COL21A1: variants seen among roughly 807,000 people sequenced by gnomAD.
COL21A1 encodes the protein collagen alpha-1(XXI) chain.
A neutral mutation model predicts 137.9 loss-of-function variants in COL21A1; 149 were observed. The observed-to-expected ratio is 1.08, with a 90% CI of 0.95 to 1.24. The LOEUF (loss-of-function observed/expected upper bound fraction) is 1.24, where lower values mean the gene tolerates loss of function less well. Ranked by LOEUF, COL21A1 falls within the 50% of genes most tolerant of loss-of-function variation. COL21A1 has a pLI of 0.00. For synonymous variants in COL21A1, 456 were observed against 391.5 expected (o/e 1.16, Z -1.95); for missense variants, 1,167 against 1,158.4 (o/e 1.01, Z -0.11).
intron 1 of COL21A1, among the ~76,000 whole-genome samples, chr6:56,238,616 C>A (rs564131130): frequency 6.6e-6 from 1 of 152,116 alleles, no homozygotes; most frequent in East Asian, 1.9e-4. Flanking sequence ...CCTACAGCCA[C>A]AAAGCTTTAC....
intron 16 of COL21A1, among the ~76,000 whole-genome samples, chr6:56,118,274 C>T (rs900530688): frequency 6.6e-6 from 1 of 151,240 alleles, no homozygotes; most frequent in African/African-American, 2.4e-5. Flanking sequence ...TGCAGAAATT[C>T]AAAGGATCAT....
chr6:56,273,074 A>G (rs895912802), intron 1 of COL21A1, among the ~76,000 whole-genome samples: 18 of 152,214 alleles, frequency 1.2e-4, no homozygotes, highest in African/African-American at 4.1e-4. Context: ...CAATATCAAG[A>G]AGATCTTTCA....
At chr6:56,215,204 C>T (rs1206538810) in intron 1 of COL21A1, among the ~76,000 whole-genome samples, 1 of 152,070 alleles carries the variant, frequency 6.6e-6, no homozygotes, top group Non-Finnish European at 1.5e-5. Context: ...TGATTCCGTC[C>T]ATTTTCTCAC....
intron 1 of COL21A1, among the ~76,000 whole-genome samples, chr6:56,380,561 A>C (rs2094007161): frequency 6.6e-6 from 1 of 152,206 alleles, no homozygotes; most frequent in African/African-American, 2.4e-5. Flanking sequence ...GTGGTCACTC[A>C]CAGACAGGCA....
intron 1 of COL21A1, among the ~76,000 whole-genome samples, chr6:56,277,626 A>G (rs1339182576): frequency 6.6e-6 from 1 of 152,220 alleles, no homozygotes; most frequent in Non-Finnish European, 1.5e-5. Context: ...TCTTGTAGAT[A>G]TTTTACAACT....
chr6:56,072,376 A>G (rs1201470007), intron 20 of COL21A1, among the ~76,000 whole-genome samples: 2 of 151,536 alleles, frequency 1.3e-5, no homozygotes. Flanking sequence ...ATAGGCTTAT[A>G]AATGTTTCTG....
intron 16 of COL21A1, among the ~76,000 whole-genome samples, chr6:56,104,666 G>T (rs1770725641): frequency 6.6e-6 from 1 of 151,934 alleles, no homozygotes; most frequent in African/African-American, 2.4e-5. Context: ...CTCCCTTCTT[G>T]ATATAACATA....
chr6:56,388,542 T>C (rs970932602), intron 1 of COL21A1, among the ~76,000 whole-genome samples: 1 of 152,212 alleles, frequency 6.6e-6, no homozygotes, highest in African/African-American at 2.4e-5. Flanking sequence ...AGAGTGACAG[T>C]GCTTCTGGAT....
chr6:56,100,252 A>C (rs1014332392), intron 17 of COL21A1, among the ~76,000 whole-genome samples: 12 of 152,140 alleles, frequency 7.9e-5, no homozygotes, highest in Non-Finnish European at 1.6e-4. Flanking sequence ...TTTGATTCCC[A>C]GTCATCCTTT....
At chr6:56,328,916 C>T (rs1280377723) in intron 1 of COL21A1, among the ~76,000 whole-genome samples, 4 of 152,048 alleles carry the variant, frequency 2.6e-5, no homozygotes, top group Admixed American at 6.6e-5. Flanking sequence ...CCAGTAGCAG[C>T]AAGGCTCCTG....
intron 12 of COL21A1, among the ~76,000 whole-genome samples, chr6:56,129,915 G>A (rs947200089): frequency 9.4e-5 from 14 of 149,528 alleles, no homozygotes; most frequent in Non-Finnish European, 1.8e-4. Context: ...CCTAATACAA[G>A]AACCTAACCC....
chr6:56,286,574 G>A lies in COL21A1; in HGVS notation c.-38-103918C>T, dbSNP rs193176054. On this transcript the variant is annotated intron_variant, in intron 1 of 28. Transcript: ENST00000370819. ...TTTATATTCCCATAGCATTTAGCACGGGGCTGAGCACGTAGTAAGTACTGA... is the reference window on the plus strand; with the variant it reads ...TTTATATTCCCATAGCATTTAGCACAGGGCTGAGCACGTAGTAAGTACTGA... 7.9e-5 allele frequency among the ~76,000 whole-genome samples: 12 copies of A among 152,262 alleles called. No homozygotes were observed. The South Asian group carries it at 8.3e-4, about 11-fold the overall frequency.
intron 1 of COL21A1, among the ~76,000 whole-genome samples, chr6:56,343,322 G>A (rs923896055): frequency 2.0e-5 from 3 of 152,078 alleles, no homozygotes; most frequent in Non-Finnish European, 2.9e-5. Context: ...CCTGAGCAAG[G>A]TAAGGCTTTT....
At chr6:56,196,769 T>C (rs899170859) in intron 1 of COL21A1, among the ~76,000 whole-genome samples, 1 of 152,076 alleles carries the variant, frequency 6.6e-6, no homozygotes, top group Non-Finnish European at 1.5e-5. Context: ...TGTTCATGAA[T>C]TGGAGGAATT....
intron 1 of COL21A1, among the ~76,000 whole-genome samples, chr6:56,264,251 T>G (rs2152331267): frequency 6.6e-6 from 1 of 152,298 alleles, no homozygotes; most frequent in African/African-American, 2.4e-5. Context: ...CCCATTTGCA[T>G]TTTGATTTGG....
intron 1 of COL21A1, among the ~76,000 whole-genome samples, chr6:56,357,328 T>C (rs572333172): frequency 6.6e-6 from 1 of 152,310 alleles, no homozygotes; most frequent in Non-Finnish European, 1.5e-5. Flanking sequence ...TATCTTACAA[T>C]CTACAGCATC....
chr6:56,309,822 C>T (rs796380974), intron 1 of COL21A1, among the ~76,000 whole-genome samples: 7 of 152,262 alleles, frequency 4.6e-5, no homozygotes, highest in African/African-American at 1.7e-4. Flanking sequence ...ATCCCTAGAA[C>T]CTAGAATATT....
intron 1 of COL21A1, among the ~76,000 whole-genome samples, chr6:56,292,519 G>A (rs1165362276): frequency 6.6e-5 from 10 of 151,660 alleles, no homozygotes; most frequent in Admixed American, 4.6e-4. Flanking sequence ...AGGTGCCTCA[G>A]CCTCTCACAG....
intron 17 of COL21A1, among the ~76,000 whole-genome samples, chr6:56,096,719 T>C (rs1769353894): frequency 6.6e-6 from 1 of 152,176 alleles, no homozygotes; most frequent in Admixed American, 6.5e-5. Flanking sequence ...TGACATAAGC[T>C]GTGTTTAATT....
Sources: allele counts gnomAD v4.1 joint callset (sites outside exome capture counted in the v4.1 genomes callset), GRCh38; gene constraint gnomAD v4.1.1; transcripts MANE v1.5; gene names NCBI Gene and HGNC (gene_info 2026-07-23, HGNC 2026-07-21).